Variants in MOV10L1 observed in about 807,000 individuals in gnomAD.
The protein encoded by MOV10L1 is RNA helicase Mov10l1.
In MOV10L1, 110 loss-of-function variants were observed where a neutral mutation model predicts 143.8. The observed-to-expected ratio is 0.76, with a 90% confidence interval of 0.66 to 0.90. MOV10L1 has a LOEUF of 0.90. Among genes scored for constraint, MOV10L1 ranks in the 40% least tolerant of loss-of-function variants. The probability of loss-of-function intolerance (pLI) is 0.00; values close to 1 mark genes in which losing one functional copy is unlikely to be tolerated. For synonymous variants in MOV10L1, 593 were observed against 581.1 expected (o/e 1.02, Z -0.29); for missense variants, 1,406 against 1,526.8 (o/e 0.92, Z 1.32).
intron 19 of MOV10L1, chr22:50,147,141 G>C (rs1321519027): frequency 6.3e-7 from 1 of 1,590,198 alleles, no homozygotes; most frequent in Non-Finnish European, 8.6e-7. Context: ...CCCTGGAGCT[G>C]ATGTTCAGGT....
At chr22:50,155,267 T>TG (rs1186181789) in intron 22 of MOV10L1, among the ~76,000 whole-genome samples, 1 of 150,894 alleles carries the variant, frequency 6.6e-6, no homozygotes, top group Non-Finnish European at 1.5e-5. Flanking sequence ...TTGTGGGTTT[T>TG]TTTTTTTTTT....
chr22:50,150,952 C>A, intron 21 of MOV10L1, 53 bp downstream of exon 21: 1 of 1,605,580 alleles, frequency 6.2e-7, no homozygotes. Context: ...GACACAGGCT[C>A]CAGGGCAGTC....
At chr22:50,107,598 A>C (rs1414078596) in intron 3 of MOV10L1, among the ~76,000 whole-genome samples, 1 of 151,930 alleles carries the variant, frequency 6.6e-6, no homozygotes, top group Non-Finnish European at 1.5e-5. Context: ...TGTCAGCACC[A>C]CTCAGCCACT....
chr22:50,140,872 A>G (rs962477390), intron 15 of MOV10L1, among the ~76,000 whole-genome samples: 1 of 151,866 alleles, frequency 6.6e-6, no homozygotes, highest in African/African-American at 2.4e-5. Context: ...ATAGGTGTGA[A>G]CCACTACCCC....
At chr22:50,142,886 G>A (rs548333064) in intron 16 of MOV10L1, among the ~76,000 whole-genome samples, 157 bp from the exon 17 acceptor site, 2 of 152,140 alleles carry the variant, frequency 1.3e-5, no homozygotes, top group Middle Eastern at 3.4e-3. Context: ...TGCCCTGTGC[G>A]CATCTTACCC....
Position 50,114,649 on chromosome 22 carries a change from G to A in MOV10L1, c.1126+27G>A, listed in dbSNP as rs369504637. On this transcript the variant is annotated intron_variant, in intron 7 of 26. Coordinates refer to ENST00000262794, the MANE Select transcript of MOV10L1 (RefSeq NM_018995.3). ...TAGTGGACGTTTCGGCTGTCACTGC[G>A]TGAGGTCGGGTGGGCTGGGGGCCGT... 5.8e-5 allele frequency: 93 copies of A among 1,609,394 alleles called. No individual in the cohort carries two copies. In the Middle Eastern group the frequency reaches 8.3e-4, roughly 14 times the overall value.
chr22:50,134,515 T>G lies in MOV10L1; in HGVS notation c.1970-15T>G. On this transcript the variant is annotated splice_polypyrimidine_tract_variant and intron_variant, in intron 14 of 26. Coordinates refer to ENST00000262794, the MANE Select transcript of MOV10L1 (RefSeq NM_018995.3). ...TTAGTTATACCCGTGCTCTTACCAT[T>G]TTTTGTTTTAAAAGTGTTGTTTCCA... 1 of 1,611,648 alleles carries G rather than the reference T, an allele frequency of 6.2e-7. No homozygotes were observed. Among genetic ancestry groups the G allele is most frequent in the African/African-American group, 1.3e-5 (1 of 74,992 alleles).
intron 18 of MOV10L1, among the ~76,000 whole-genome samples, chr22:50,144,566 TG>T (rs951501052): frequency 2.0e-5 from 3 of 151,204 alleles, no homozygotes; most frequent in African/African-American, 7.3e-5. Flanking sequence ...TTTGTTGGTT[TG>T]GTGTTTTTTG....
chr22:50,137,638 G>A (rs2062855546), intron 15 of MOV10L1, among the ~76,000 whole-genome samples: 1 of 151,796 alleles, frequency 6.6e-6, no homozygotes, highest in Admixed American at 6.6e-5. Flanking sequence ...CCAGGAGGTG[G>A]AGATTGCAGT....
chr22:50,115,810 G>A (rs902028326), intron 8 of MOV10L1, among the ~76,000 whole-genome samples: 4 of 152,202 alleles, frequency 2.6e-5, no homozygotes, highest in Admixed American at 6.5e-5. Context: ...TGCCTTGCCC[G>A]TGTTCCGCAT....
At chr22:50,102,783 C>T (rs2061778174) in intron 3 of MOV10L1, among the ~76,000 whole-genome samples, 1 of 152,148 alleles carries the variant, frequency 6.6e-6, no homozygotes, top group African/African-American at 2.4e-5. Context: ...TGCCTGTAAT[C>T]CCAGCTACTC....
intron 1 of MOV10L1, chr22:50,090,667 CT>C: frequency 1.0e-6 from 1 of 972,210 alleles, no homozygotes; most frequent in Non-Finnish European, 1.6e-6. Flanking sequence ...TTCCTTTCTC[CT>C]GAGGTGTTTG....
chr22:50,157,467 C>T (rs1190345169), intron 22 of MOV10L1, among the ~76,000 whole-genome samples: 1 of 152,004 alleles, frequency 6.6e-6, no homozygotes. Context: ...GGATTTAGGT[C>T]TTGGGTTTAA....
At chr22:50,124,610 T>C (rs1419961283) in intron 10 of MOV10L1, among the ~76,000 whole-genome samples, 1 of 152,222 alleles carries the variant, frequency 6.6e-6, no homozygotes, top group Non-Finnish European at 1.5e-5. Context: ...GGCAGGCTGC[T>C]GTGAGTTTTC....
At chr22:50,137,174 G>C in intron 15 of MOV10L1, among the ~76,000 whole-genome samples, 1 of 152,120 alleles carries the variant, frequency 6.6e-6, no homozygotes, top group East Asian at 1.9e-4. Context: ...AACCCAAAAG[G>C]AGAAAATTTA....
intron 2 of MOV10L1, chr22:50,096,059 G>A (rs1240761314): frequency 3.3e-5 from 5 of 152,110 alleles, no homozygotes; most frequent in South Asian, 2.1e-4. Flanking sequence ...TAAAATATGC[G>A]TAATATACCA....
intron 10 of MOV10L1, among the ~76,000 whole-genome samples, chr22:50,122,985 A>G (rs1397983958): frequency 1.3e-5 from 2 of 151,946 alleles, no homozygotes; most frequent in Non-Finnish European, 2.9e-5. Context: ...GGTGTGAGCC[A>G]CCACACCCAG....
chr22:50,118,349 T>C (rs193215158), intron 9 of MOV10L1, among the ~76,000 whole-genome samples: 5 of 152,140 alleles, frequency 3.3e-5, no homozygotes, highest in African/African-American at 1.2e-4. Context: ...GAAGATTGAA[T>C]GAGGTCAGAC....
chr22:50,139,329 A>AT (rs374264497), intron 15 of MOV10L1, among the ~76,000 whole-genome samples: 4 of 151,366 alleles, frequency 2.6e-5, no homozygotes, highest in South Asian at 4.2e-4. Context: ...TTGGGCAAGG[A>AT]TTTTTTTTTA....
Sources: allele counts gnomAD v4.1 joint callset (sites outside exome capture counted in the v4.1 genomes callset), GRCh38; gene constraint gnomAD v4.1.1; transcripts MANE v1.5; gene names NCBI Gene and HGNC (gene_info 2026-07-23, HGNC 2026-07-21).